The following SH3RF3 variants were observed in gnomAD, a reference collection of about 807,000 sequenced individuals.
SH3RF3 encodes the protein E3 ubiquitin-protein ligase SH3RF3.
SH3RF3 carries 29 observed loss-of-function variants against 66.3 expected under a neutral mutation model. That is an observed-to-expected ratio of 0.44 (90% CI 0.33 to 0.60). The LOEUF (loss-of-function observed/expected upper bound fraction) is 0.60. SH3RF3 is among the 20% of genes least tolerant of loss of function. The probability of loss-of-function intolerance (pLI) is 0.04; values close to 1 mark genes in which losing one functional copy is unlikely to be tolerated. For synonymous variants in SH3RF3, 583 were observed against 532.0 expected (o/e 1.10, Z -1.32); for missense variants, 1,194 against 1,190.9 (o/e 1.00, Z -0.04).
chr2:109,211,608 CA>C (rs532523887), intron 1 of SH3RF3, among the ~76,000 whole-genome samples: 171 of 151,570 alleles, frequency 1.1e-3, no homozygotes, highest in Non-Finnish European at 1.0e-3. Flanking sequence ...ATTAGACAGA[CA>C]GATGCACATG....
chr2:109,493,155 A>C, intron 9 of SH3RF3, among the ~76,000 whole-genome samples: 1 of 150,256 alleles, frequency 6.7e-6, no homozygotes, highest in East Asian at 2.0e-4. Flanking sequence ...CATACAAAAC[A>C]CATACACCAC....
chr2:109,187,001 GA>G (rs112191043), intron 1 of SH3RF3, among the ~76,000 whole-genome samples: 1 of 149,892 alleles, frequency 6.7e-6, no homozygotes, highest in African/African-American at 2.4e-5. Flanking sequence ...TCGTCTCCCA[GA>G]GGCGGAGCTG....
intron 8 of SH3RF3, among the ~76,000 whole-genome samples, chr2:109,465,884 C>T (rs1313730665): frequency 4.6e-5 from 7 of 152,082 alleles, no homozygotes; most frequent in Non-Finnish European, 8.8e-5. Flanking sequence ...TTAAACCATT[C>T]GTGAGAAATC....
At chr2:109,239,827 A>G (rs1194485769) in intron 1 of SH3RF3, among the ~76,000 whole-genome samples, 6 of 152,214 alleles carry the variant, frequency 3.9e-5, no homozygotes, top group Non-Finnish European at 8.8e-5. Context: ...TCATCCCCAC[A>G]GCTCACAGCA....
At chr2:109,204,702 T>A (rs1678766893) in intron 1 of SH3RF3, among the ~76,000 whole-genome samples, 1 of 152,218 alleles carries the variant, frequency 6.6e-6, no homozygotes, top group Non-Finnish European at 1.5e-5. Flanking sequence ...TCTAGCAGTC[T>A]CTTACTTTGC....
chr2:109,354,169 TC>T (rs112511757), intron 2 of SH3RF3, among the ~76,000 whole-genome samples: 4,368 of 152,254 alleles, frequency 0.029, 153 homozygotes, highest in African/African-American at 0.088. Flanking sequence ...TTTTTAATTT[TC>T]CCTTCTCCCT....
intron 4 of SH3RF3, among the ~76,000 whole-genome samples, chr2:109,416,921 AAAAG>A (rs1676740480): frequency 6.6e-6 from 1 of 151,488 alleles, no homozygotes; most frequent in Non-Finnish European, 1.5e-5. Context: ...AAAAAAAAAA[AAAAG>A]AATTGTATGT....
At chr2:109,162,695 A>T (rs745415645) in intron 1 of SH3RF3, among the ~76,000 whole-genome samples, 2 of 152,206 alleles carry the variant, frequency 1.3e-5, no homozygotes, top group Admixed American at 6.5e-5. Flanking sequence ...ATACGTGTGC[A>T]TGTGTCTTTA....
rs116120669 is a variant in SH3RF3 at position 109,165,067 on chromosome 2, C to T, written c.573+34954C>T. 6.9e-3 allele frequency among the ~76,000 whole-genome samples: 1,057 copies of T among 152,272 alleles called. 17 individuals carry two copies. Among genetic ancestry groups the T allele is most frequent in the African/African-American group, 0.024 (1,004 of 41,550 alleles). On this transcript the variant is annotated intron_variant, in intron 1 of 9. Coordinates refer to ENST00000309415, the MANE Select transcript of SH3RF3 (RefSeq NM_001099289.3). ...TTTTCCATCTCTGTTGGCAGTGGGC[C>T]TGGACAGAATTCTGTGTTCTTACTC...
chr2:109,383,656 A>G (rs1205094657), intron 3 of SH3RF3, among the ~76,000 whole-genome samples: 4 of 152,136 alleles, frequency 2.6e-5, no homozygotes, highest in Non-Finnish European at 5.9e-5. Context: ...TGTGATGCAG[A>G]ATGAGAAACA....
intron 7 of SH3RF3, among the ~76,000 whole-genome samples, chr2:109,437,399 A>G (rs1433764055): frequency 6.6e-6 from 1 of 151,814 alleles, no homozygotes; most frequent in African/African-American, 2.4e-5. Flanking sequence ...TCTGATCTCC[A>G]GGAAGTTCAC....
intron 1 of SH3RF3, among the ~76,000 whole-genome samples, chr2:109,264,956 AG>A (rs1680454123): frequency 6.6e-6 from 1 of 152,156 alleles, no homozygotes; most frequent in Non-Finnish European, 1.5e-5. Flanking sequence ...TGTGGGTGGC[AG>A]GGGGACTAGG....
chr2:109,419,441 A>G (rs984186243), intron 4 of SH3RF3, 98 bp from the exon 5 acceptor site: 21 of 1,272,200 alleles, frequency 1.7e-5, no homozygotes, highest in East Asian at 5.1e-5. Flanking sequence ...CAGCTGGCGA[A>G]GCACAGGCAC....
At chr2:109,354,465 T>C (rs2105594261) in intron 2 of SH3RF3, among the ~76,000 whole-genome samples, 1 of 152,382 alleles carries the variant, frequency 6.6e-6, no homozygotes, top group East Asian at 1.9e-4. Context: ...CAGGGACTGC[T>C]TCTGGCATTT....
At chr2:109,183,032 A>G (rs1678105526) in intron 1 of SH3RF3, among the ~76,000 whole-genome samples, 1 of 152,168 alleles carries the variant, frequency 6.6e-6, no homozygotes, top group Admixed American at 6.5e-5. Flanking sequence ...GTGTCGTGAG[A>G]TGTATTTTCT....
chr2:109,136,130 G>C (rs1676809212), intron 1 of SH3RF3, among the ~76,000 whole-genome samples: 1 of 152,062 alleles, frequency 6.6e-6, no homozygotes, highest in South Asian at 2.1e-4. Context: ...GACAGATTCG[G>C]GGCTCAGTTT....
In SH3RF3 at chr2:109,274,531, A is replaced by G. The variant is rs547290266; in HGVS notation, c.574-73143A>G. 7.1e-4 allele frequency among the ~76,000 whole-genome samples: 108 copies of G among 152,370 alleles called. 1 individual carries two copies. The highest frequency in any genetic ancestry group is 2.4e-3 in the African/African-American group (101 of 41,596). ...ATTATGCTCAAAAAAAGCCAGCCAC[A>G]AAAGGTCACATATTGTATGATTTCA... On this transcript the variant is annotated intron_variant, in intron 1 of 9. Coordinates refer to ENST00000309415, the MANE Select transcript of SH3RF3 (RefSeq NM_001099289.3).
intron 1 of SH3RF3, among the ~76,000 whole-genome samples, chr2:109,340,302 G>A (rs182028853): frequency 5.8e-4 from 88 of 152,282 alleles, no homozygotes; most frequent in African/African-American, 2.0e-3. Context: ...TAAGGATCCT[G>A]TGGGTCTCGC....
intron 3 of SH3RF3, among the ~76,000 whole-genome samples, chr2:109,379,964 C>T (rs533974358): frequency 6.6e-6 from 1 of 152,282 alleles, no homozygotes; most frequent in East Asian, 1.9e-4. Context: ...TTGCCTTCAC[C>T]AGTAACCCAC....
Sources: gnomAD v4.1 joint callset for allele counts (sites outside exome capture counted in the v4.1 genomes callset) on GRCh38, gnomAD v4.1.1 for gene constraint, MANE v1.5 for transcripts, NCBI Gene and HGNC (gene_info 2026-07-23, HGNC 2026-07-21) for gene names.